The following BRDT variants were observed in gnomAD, a reference collection of about 807,000 sequenced individuals.
BRDT encodes bromodomain testis-specific protein.
BRDT carries 77 observed loss-of-function variants against 113.9 expected under a neutral mutation model. The ratio of observed to expected loss-of-function variants is 0.68; its 90% CI spans 0.56 to 0.82. The LOEUF (loss-of-function observed/expected upper bound fraction) is 0.82, where lower values mean the gene tolerates loss of function less well. Ranked by LOEUF, BRDT falls within the 40% of genes least tolerant of loss-of-function variation. BRDT has a pLI of 0.00. For missense variants in BRDT, 1,027 were observed against 1,105.4 expected (o/e 0.93, Z 1.01); for synonymous variants, 358 against 366.5 (o/e 0.98, Z 0.26).
chr1:91,952,830 GGAGT>G (rs1485098862), intron 1 of BRDT, among the ~76,000 whole-genome samples: 2 of 151,724 alleles, frequency 1.3e-5, no homozygotes, highest in Non-Finnish European at 2.9e-5. Flanking sequence ...GGGTGATGGG[GGAGT>G]GTTATCTAGA....
chr1:91,980,862 T>C (rs1684654903), intron 9 of BRDT, 27 bp from the exon 10 acceptor site: 2 of 1,593,128 alleles, frequency 1.3e-6, no homozygotes, highest in East Asian at 4.5e-5. Flanking sequence ...TAACGATAAG[T>C]TGGACTAAAT....
chr1:91,990,607 C>T (rs902956851), intron 12 of BRDT, among the ~76,000 whole-genome samples: 12 of 152,080 alleles, frequency 7.9e-5, no homozygotes, highest in East Asian at 3.8e-4. Context: ...TAACATACTG[C>T]GCTTTTTGGC....
rs1686903372 is a variant in BRDT, at chr1:92,002,065, C to G, written c.2304C>G (p.Leu768=). ...TGCATCCAGGTGATTCTGAACAGCTCTCAAATGGCATAACTGTGATGCATC... is the reference window on the plus strand; with the variant it reads ...TGCATCCAGGTGATTCTGAACAGCTGTCAAATGGCATAACTGTGATGCATC... The part of the protein sequence containing the change: ...ILPPSGDSEQ[L]SNGITVMHPS... Residue 768 remains leucine (L), a synonymous_variant, in exon 16 of 19, where the codon CTC becomes CTG. Coordinates refer to ENST00000399546, the MANE Select transcript of BRDT (RefSeq NM_207189.4). 6 of 1,612,936 alleles carry G rather than the reference C, an allele frequency of 3.7e-6. No homozygotes were observed. The East Asian group carries it at 1.3e-4, about 36-fold the overall frequency.
chr1:91,956,314 C>G (rs1042808711), intron 1 of BRDT, among the ~76,000 whole-genome samples: 4 of 151,772 alleles, frequency 2.6e-5, no homozygotes, highest in African/African-American at 7.3e-5. Flanking sequence ...CCTGCCCCCC[C>G]CCACCCCCTG....
Position 92,014,387 on chromosome 1 carries a change from A to G in BRDT, c.*113A>G. On this transcript the variant is annotated 3_prime_UTR_variant, in exon 19 of 19. Coordinates refer to ENST00000399546, the MANE Select transcript of BRDT (RefSeq NM_207189.4). Reference sequence around the variant, plus strand: ...GATACCAATCTTATATTGTATTTTGACTGCTCTAAAATGATTAAACAGTTT... The same window carrying G: ...GATACCAATCTTATATTGTATTTTGGCTGCTCTAAAATGATTAAACAGTTT... The G allele has an allele frequency of 6.0e-6, 4 of 662,570 alleles. No homozygotes were observed. Among genetic ancestry groups the G allele is most frequent in the South Asian group, 5.3e-5 (2 of 37,462 alleles). 41.0% of individuals were successfully genotyped at this position (662,570 alleles called of 1,614,324 possible).
At chr1:92,004,330 T>C (rs1222341490) in intron 16 of BRDT, 84 bp from the exon 17 acceptor site, 3 of 870,808 alleles carry the variant, frequency 3.4e-6, no homozygotes, top group Non-Finnish European at 5.3e-6. Context: ...TTAGATCTAT[T>C]GCTGTATCAT....
Position 91,979,635 on chromosome 1 carries a change from A to G in BRDT, c.1165A>G (p.Ile389Val), listed in dbSNP as rs569271637. ...TGTTGAGAGTATGCCTTTATGTTACATCAAAACAGATATCACAGAAACCAC... is the reference window on the plus strand; with the variant it reads ...TGTTGAGAGTATGCCTTTATGTTACGTCAAAACAGATATCACAGAAACCAC... ...EPVESMPLCY[I>V]KTDITETTGR... is the part of the protein sequence containing the mutation. The change falls in exon 8 of 19, where the codon ATC becomes GTC. Residue 389 changes from isoleucine (I) to valine (V), a missense_variant. Ile to Val is a conservative substitution (Grantham distance 29). Coordinates refer to ENST00000399546, the MANE Select transcript of BRDT (RefSeq NM_207189.4). The G allele has an allele frequency of 6.2e-7, 1 of 1,614,104 alleles. No homozygotes were observed. The highest frequency in any genetic ancestry group is 1.3e-5 in the African/African-American group (1 of 75,044).
intron 12 of BRDT, among the ~76,000 whole-genome samples, chr1:91,988,597 C>T (rs1306944477): frequency 6.6e-6 from 1 of 151,884 alleles, no homozygotes; most frequent in African/African-American, 2.4e-5. Flanking sequence ...CGGGGGGTTT[C>T]ACCAGGTTGG....
rs536292642 is a variant in BRDT, at chr1:92,000,409, C to T, written c.2288-1640C>T. Among the ~76,000 whole-genome samples, 25 of 152,306 alleles carry T rather than the reference C, an allele frequency of 1.6e-4. No individual in the cohort carries two copies. The Middle Eastern group carries it at 0.017, about 104-fold the overall frequency. Reference sequence around the variant, plus strand: ...TTGTTGAAGTGAGGAAACATGGCTACATTGAGGCTGTGTACAGACGTACAA... The same window carrying T: ...TTGTTGAAGTGAGGAAACATGGCTATATTGAGGCTGTGTACAGACGTACAA... On this transcript the variant is annotated intron_variant, in intron 15 of 18. Coordinates refer to ENST00000399546, the MANE Select transcript of BRDT (RefSeq NM_207189.4).
chr1:91,965,776 G>T (rs1682996100), intron 3 of BRDT, among the ~76,000 whole-genome samples: 1 of 152,112 alleles, frequency 6.6e-6, no homozygotes, highest in Non-Finnish European at 1.5e-5. Flanking sequence ...CAGCCCAGGA[G>T]GTGGAGGTTG....
At chr1:91,971,350 G>T (rs1249400563) in intron 4 of BRDT, among the ~76,000 whole-genome samples, 2 of 152,144 alleles carry the variant, frequency 1.3e-5, no homozygotes, top group Admixed American at 1.3e-4. Flanking sequence ...CTTTAGAGGT[G>T]ATACAAGTTA....
chr1:92,007,074 C>T (rs1405247191), intron 18 of BRDT, among the ~76,000 whole-genome samples: 1 of 152,184 alleles, frequency 6.6e-6, no homozygotes, highest in Non-Finnish European at 1.5e-5. Flanking sequence ...CAGGCATTAG[C>T]CAAAGATCTC....
intron 2 of BRDT, among the ~76,000 whole-genome samples, chr1:91,963,547 C>T (rs979905560): frequency 2.0e-5 from 3 of 152,138 alleles, no homozygotes; most frequent in Non-Finnish European, 4.4e-5. Flanking sequence ...TTTCTCTTGA[C>T]ACTTCCTGGC....
chr1:91,986,937 A>C (rs1248424431), intron 12 of BRDT, among the ~76,000 whole-genome samples: 1 of 71,836 alleles, frequency 1.4e-5, no homozygotes, highest in Non-Finnish European at 3.9e-5. Context: ...AGACTTTTAT[A>C]AATTCTTTTT....
At position 91,964,694 on chromosome 1, in the gene BRDT, AT is replaced by A; in HGVS notation, c.262del (p.Tyr88MetfsTer8). 6.6e-7 allele frequency: 1 copy of A among 1,524,338 alleles called. No homozygotes were observed. Among genetic ancestry groups the A allele is most frequent in the South Asian group, 1.3e-5 (1 of 79,892 alleles). The allele number at this position is 1,524,338 out of a possible 1,614,324, so 94.4% of individuals were successfully genotyped here. A position where few individuals can be genotyped will look rare whatever the true frequency, so the allele number is the denominator to read the frequency against. The part of the protein sequence containing the change: ...NTIKKRLENK[Y>X]YAKASECIED... ...ATTAAGAAGCGCTTGGAGAATAAATATTATGCGAAGGCTTCAGAATGTATAG... is the reference window on the plus strand; with the variant it reads ...ATTAAGAAGCGCTTGGAGAATAAATATATGCGAAGGCTTCAGAATGTATAG... On this transcript the variant is annotated frameshift_variant, in exon 3 of 19. Coordinates refer to ENST00000399546, the MANE Select transcript of BRDT (RefSeq NM_207189.4). LOFTEE classifies it high-confidence loss of function.
intron 12 of BRDT, among the ~76,000 whole-genome samples, chr1:91,984,385 C>CA (rs535191576): frequency 4.7e-4 from 72 of 152,136 alleles, no homozygotes; most frequent in Admixed American, 1.7e-3. Flanking sequence ...ATAAGCAAGT[C>CA]AAATCATATC....
intron 5 of BRDT, 111 bp from the exon 6 acceptor site, chr1:91,976,931 AT>A (rs1387551542): frequency 2.5e-6 from 2 of 798,840 alleles, no homozygotes; most frequent in Non-Finnish European, 3.8e-6. Flanking sequence ...TAAATTATCT[AT>A]ATGAAGACTT....
intron 13 of BRDT, among the ~76,000 whole-genome samples, chr1:91,991,838 A>G (rs1456085609): frequency 1.1e-5 from 1 of 90,568 alleles, no homozygotes; most frequent in Middle Eastern, 6.8e-3. Flanking sequence ...TAAAAATACA[A>G]AAAATTAGCC....
chr1:91,981,414 G>GTATA, intron 11 of BRDT, 33 bp downstream of exon 11: 1 of 1,549,710 alleles, frequency 6.5e-7, no homozygotes, highest in South Asian at 1.1e-5. Context: ...TTGTATGTAT[G>GTATA]TATGTATGTA....
Sources: allele counts gnomAD v4.1 joint callset (sites outside exome capture counted in the v4.1 genomes callset), GRCh38; gene constraint gnomAD v4.1.1; transcripts MANE v1.5; gene names NCBI Gene and HGNC (gene_info 2026-07-23, HGNC 2026-07-21).